OSBP2: variants seen among roughly 807,000 people sequenced by gnomAD.
OSBP2 encodes the protein oxysterol binding protein 2.
Under a neutral mutation model 96.0 loss-of-function variants are expected in OSBP2, and 66 were observed. The ratio of observed to expected loss-of-function variants is 0.69; its 90% CI spans 0.56 to 0.84. The LOEUF is 0.84. Ranked by LOEUF, OSBP2 falls within the 40% of genes least tolerant of loss-of-function variation. The pLI, the probability that OSBP2 is intolerant of heterozygous loss-of-function variation, is 0.00. For synonymous variants in OSBP2, 525 were observed against 520.9 expected (o/e 1.01, Z -0.11); for missense variants, 1,038 against 1,222.7 (o/e 0.85, Z 2.25).
At chr22:30,824,421 T>TAA (rs2038353767) in intron 2 of OSBP2, among the ~76,000 whole-genome samples, 1 of 152,106 alleles carries the variant, frequency 6.6e-6, no homozygotes, top group South Asian at 2.1e-4. Flanking sequence ...CGGGAGTTTG[T>TAA]CCCTCAGGTG....
At chr22:30,792,208 G>A (rs1434155888) in intron 2 of OSBP2, among the ~76,000 whole-genome samples, 1 of 152,046 alleles carries the variant, frequency 6.6e-6, no homozygotes, top group Non-Finnish European at 1.5e-5. Flanking sequence ...ACCTACTCAG[G>A]AGGCTAAGGC....
At chr22:30,860,913 C>T (rs900343576) in intron 2 of OSBP2, among the ~76,000 whole-genome samples, 4 of 152,188 alleles carry the variant, frequency 2.6e-5, no homozygotes, top group Non-Finnish European at 4.4e-5. Flanking sequence ...GGCCTGGCTG[C>T]CCGGTGCTGT....
intron 2 of OSBP2, among the ~76,000 whole-genome samples, chr22:30,817,148 T>C (rs1463819438): frequency 6.6e-6 from 1 of 152,278 alleles, no homozygotes; most frequent in African/African-American, 2.4e-5. Flanking sequence ...AAATTAATTC[T>C]CTGGCTTCAG....
chr22:30,749,765 G>A (rs1346622587), intron 2 of OSBP2, among the ~76,000 whole-genome samples: 1 of 152,112 alleles, frequency 6.6e-6, no homozygotes, highest in East Asian at 1.9e-4. Context: ...GCGCCACCAT[G>A]CCTGGCTGAT....
chr22:30,889,351 A>C (rs2039891320), intron 6 of OSBP2, 117 bp downstream of exon 6: 4 of 1,410,620 alleles, frequency 2.8e-6, no homozygotes, highest in Non-Finnish European at 4.0e-6. Flanking sequence ...CCAGTCCAGG[A>C]GCACCATCCT....
intron 2 of OSBP2, among the ~76,000 whole-genome samples, chr22:30,839,098 GT>G (rs2038694861): frequency 6.9e-6 from 1 of 145,006 alleles, no homozygotes; most frequent in Non-Finnish European, 1.5e-5. Context: ...AACATGTGGT[GT>G]TTGGTTTTTT....
rs562130848 is a variant in OSBP2 at position 30,811,947 on chromosome 22, C to A, written c.854-58482C>A. Among the ~76,000 whole-genome samples the A allele has an allele frequency of 2.0e-5, 3 of 152,078 alleles. No individual in the cohort carries two copies. The South Asian group carries it at 6.2e-4, about 32-fold the overall frequency. ...GCATAGCTCACTGCAGTCTTGACCT[C>A]CTGGCTCAAGGCATCCTCCTGCCTC... On this transcript the variant is annotated intron_variant, in intron 2 of 13. Coordinates refer to ENST00000332585, the MANE Select transcript of OSBP2 (RefSeq NM_030758.4).
At chr22:30,700,248 G>A (rs897804658) in intron 1 of OSBP2, among the ~76,000 whole-genome samples, 8 of 152,024 alleles carry the variant, frequency 5.3e-5, no homozygotes, top group Non-Finnish European at 1.2e-4. Context: ...ACAGGCTTGA[G>A]CCACCGAGCC....
At chr22:30,805,055 C>A (rs753921596) in intron 2 of OSBP2, among the ~76,000 whole-genome samples, 27 of 152,162 alleles carry the variant, frequency 1.8e-4, no homozygotes, top group Non-Finnish European at 3.7e-4. Context: ...AACTTAAAAC[C>A]TCCTCAGTAA....
At chr22:30,897,607 G>A (rs1006577194) in intron 12 of OSBP2, among the ~76,000 whole-genome samples, 2 of 152,110 alleles carry the variant, frequency 1.3e-5, no homozygotes, top group Non-Finnish European at 2.9e-5. Context: ...AAATAAATTA[G>A]AATGAAAAAA....
intron 1 of OSBP2, among the ~76,000 whole-genome samples, chr22:30,733,802 C>T (rs1407411184): frequency 1.3e-5 from 2 of 152,022 alleles, no homozygotes; most frequent in Admixed American, 6.6e-5. Context: ...GGGGTCATTG[C>T]GAGTATTATT....
At chr22:30,788,401 C>G (rs1402942020) in intron 2 of OSBP2, among the ~76,000 whole-genome samples, 1 of 152,144 alleles carries the variant, frequency 6.6e-6, no homozygotes, top group Non-Finnish European at 1.5e-5. Flanking sequence ...TAGAGAGAGG[C>G]CAGCCATTTG....
upstream of OSBP2, chr22:30,694,116 GATCCCGGGAGGTCCAAGTTCAGA>G (rs1368625789): frequency 5.2e-6 from 8 of 1,549,188 alleles, no homozygotes; most frequent in African/African-American, 8.2e-5. Context: ...CCTACCCAGG[GATCCCGGGAGGTCCAAGTTCAGA>G]ATCCCACTTT....
chr22:30,824,361 C>G (rs566334581), intron 2 of OSBP2, among the ~76,000 whole-genome samples: 1 of 152,268 alleles, frequency 6.6e-6, no homozygotes, highest in Admixed American at 6.5e-5. Context: ...GTGCAGCAGT[C>G]AAGAGCAGCC....
intron 1 of OSBP2, among the ~76,000 whole-genome samples, chr22:30,701,344 C>CTTTTTTTTTT (rs1228654999): frequency 7.8e-6 from 1 of 127,990 alleles, no homozygotes. Flanking sequence ...TTTTTCTTTT[C>CTTTTTTTTTT]TTTTTTTTTT....
At position 30,905,985 on chromosome 22, in the gene OSBP2, C is replaced by G. The variant is rs1191182871; in HGVS notation, c.2524C>G (p.Gln842Glu). Reference protein sequence around the residue: ...GRWDEANTEKQRLEEKQRLSR... With the variant: ...GRWDEANTEKERLEEKQRLSR... The stretch of plus-strand genomic sequence containing the variant: ...TTGGGACGAGGCCAATACCGAGAAG[C>G]AGCGGCTGGAGGAGAAGCAGCGCCT... The change falls in exon 13 of 14, where the codon CAG (glutamine) becomes GAG (glutamate). Residue 842 changes from glutamine to glutamate, a missense_variant. This residue lies in a region of OSBP2 where 737 missense variants were observed against 913.3 expected (regional missense o/e 0.81). Coordinates refer to ENST00000332585, the MANE Select transcript of OSBP2 (RefSeq NM_030758.4). 6.2e-7 allele frequency: 1 copy of G among 1,602,904 alleles called. No individual in the cohort carries two copies. The highest frequency in any genetic ancestry group is 2.2e-5 in the East Asian group (1 of 44,538).
chr22:30,731,765 G>C (rs1569101318), intron 1 of OSBP2: 1 of 154,188 alleles, frequency 6.5e-6, no homozygotes, highest in Non-Finnish European at 1.5e-5. Context: ...GCCATTTCCT[G>C]GTGCTGGCCC....
At chr22:30,786,587 G>C (rs939342776) in intron 2 of OSBP2, among the ~76,000 whole-genome samples, 5 of 151,954 alleles carry the variant, frequency 3.3e-5, no homozygotes, top group African/African-American at 1.2e-4. Flanking sequence ...TGTAAGCTGA[G>C]ATCTAAAGGG....
intron 1 of OSBP2, among the ~76,000 whole-genome samples, chr22:30,734,161 G>C (rs2089819133): frequency 6.6e-6 from 1 of 152,114 alleles, no homozygotes; most frequent in Admixed American, 6.6e-5. Context: ...TTTTAGTAGA[G>C]ACGGGGTTTC....
Sources: allele counts gnomAD v4.1 joint callset (sites outside exome capture counted in the v4.1 genomes callset), GRCh38; gene constraint gnomAD v4.1.1; regional missense constraint gnomAD v4.1.1; transcripts MANE v1.5; gene names NCBI Gene and HGNC (gene_info 2026-07-23, HGNC 2026-07-21).